The following PDE4D variants were observed in gnomAD, a reference collection of about 807,000 sequenced individuals.
PDE4D encodes the protein phosphodiesterase 4D.
PDE4D carries 24 observed loss-of-function variants against 87.4 expected under a neutral mutation model. That is an observed-to-expected ratio of 0.27 (90% CI 0.20 to 0.39). PDE4D has a LOEUF of 0.39. Among genes scored for constraint, PDE4D ranks in the 10% least tolerant of loss-of-function variants. PDE4D has a pLI of 1.00. For missense variants in PDE4D, 714 were observed against 1,041.0 expected (o/e 0.69, Z 4.32); for synonymous variants, 384 against 383.2 (o/e 1.00, Z -0.02).
At chr5:59,288,345 A>T (rs1767384383) in intron 1 of PDE4D, among the ~76,000 whole-genome samples, 1 of 151,984 alleles carries the variant, frequency 6.6e-6, no homozygotes, top group African/African-American at 2.4e-5. Context: ...AGCACAAAAC[A>T]ATCAAGCAGA....
intron 3 of PDE4D, among the ~76,000 whole-genome samples, chr5:59,938,540 A>G (rs1480888433): frequency 1.3e-5 from 2 of 152,234 alleles, no homozygotes; most frequent in Non-Finnish European, 2.9e-5. Flanking sequence ...TCTACATTAT[A>G]GGCCAAAAAG....
At chr5:59,929,981 A>T (rs1396173299) in intron 3 of PDE4D, among the ~76,000 whole-genome samples, 1 of 152,150 alleles carries the variant, frequency 6.6e-6, no homozygotes, top group Non-Finnish European at 1.5e-5. Flanking sequence ...TGACCAAAGT[A>T]TAGTGAGCCC....
Position 59,674,922 on chromosome 5 carries a change from G to C in PDE4D, c.455+218246C>G, listed in dbSNP as rs191337197. Among the ~76,000 whole-genome samples, 534 of 152,294 alleles carry C rather than the reference G, an allele frequency of 3.5e-3. 3 individuals carry two copies. The highest frequency in any genetic ancestry group is 0.011 in the South Asian group (53 of 4,824). On this transcript the variant is annotated intron_variant, in intron 1 of 14. Coordinates refer to ENST00000340635, the MANE Select transcript of PDE4D (RefSeq NM_001104631.2). ...CTAACTTATCTTGAAATGTTGCAGA[G>C]GAAACTTCCTTAATCACATTCTTAC...
chr5:59,561,747 T>C (rs1820029063), intron 1 of PDE4D, among the ~76,000 whole-genome samples: 1 of 151,876 alleles, frequency 6.6e-6, no homozygotes, highest in Non-Finnish European at 1.5e-5. Flanking sequence ...CTGACCAACA[T>C]GGCAAAAACC....
chr5:60,442,068 G>C (rs1038556674), intron 1 of PDE4D, among the ~76,000 whole-genome samples: 2 of 152,130 alleles, frequency 1.3e-5, no homozygotes, highest in African/African-American at 4.8e-5. Flanking sequence ...TACACCATTT[G>C]ACCCAGCATT....
At chr5:60,004,924 C>T (rs1764330891) in intron 2 of PDE4D, among the ~76,000 whole-genome samples, 1 of 152,026 alleles carries the variant, frequency 6.6e-6, no homozygotes. Context: ...AATAGAGATA[C>T]CATATGATCC....
chr5:59,012,428 C>A (rs1191704425), intron 6 of PDE4D, among the ~76,000 whole-genome samples: 1 of 152,108 alleles, frequency 6.6e-6, no homozygotes, highest in South Asian at 2.1e-4. Context: ...CAGAGAGACA[C>A]ATAGGCTCAA....
At chr5:59,203,469 A>C (rs1231017814) in intron 2 of PDE4D, among the ~76,000 whole-genome samples, 2 of 152,200 alleles carry the variant, frequency 1.3e-5, no homozygotes, top group East Asian at 3.8e-4. Context: ...CATATGATCC[A>C]GCAATTCTAC....
At chr5:59,408,467 G>A (rs1016046457) in intron 1 of PDE4D, among the ~76,000 whole-genome samples, 3 of 152,210 alleles carry the variant, frequency 2.0e-5, no homozygotes, top group Admixed American at 2.0e-4. Flanking sequence ...CTCTACTAAG[G>A]TAGTGCAGAA....
intron 1 of PDE4D, among the ~76,000 whole-genome samples, chr5:59,244,850 T>C (rs1758537814): frequency 6.7e-6 from 1 of 150,006 alleles, no homozygotes; most frequent in African/African-American, 2.5e-5. Flanking sequence ...GCTTTAAAGG[T>C]TTATTCAGGA....
At chr5:59,606,469 C>G (rs1828217951) in intron 1 of PDE4D, among the ~76,000 whole-genome samples, 1 of 151,872 alleles carries the variant, frequency 6.6e-6, no homozygotes. Flanking sequence ...ACTAATATTC[C>G]CCAGTTTATA....
intron 5 of PDE4D, among the ~76,000 whole-genome samples, chr5:59,054,342 T>C (rs554641035): frequency 1.3e-5 from 2 of 152,292 alleles, no homozygotes; most frequent in Admixed American, 6.5e-5. Flanking sequence ...AAAATTTATA[T>C]TTTATACTAT....
At chr5:59,707,543 C>T (rs1357723979) in intron 1 of PDE4D, among the ~76,000 whole-genome samples, 3 of 151,974 alleles carry the variant, frequency 2.0e-5, no homozygotes, top group Admixed American at 1.3e-4. Context: ...GGTACATGCA[C>T]GGGATGCACA....
At chr5:60,413,357 C>T (rs1222460612) in intron 1 of PDE4D, among the ~76,000 whole-genome samples, 2 of 152,184 alleles carry the variant, frequency 1.3e-5, no homozygotes. Context: ...GAAGGAGAAG[C>T]ATCCCTTGCA....
chr5:60,234,893 A>C (rs2149637679), intron 1 of PDE4D, among the ~76,000 whole-genome samples: 1 of 151,908 alleles, frequency 6.6e-6, no homozygotes, highest in African/African-American at 2.4e-5. Flanking sequence ...ATAGAAAAAA[A>C]TTCTGCTACT....
intron 1 of PDE4D, among the ~76,000 whole-genome samples, chr5:60,377,441 T>C (rs944237093): frequency 6.6e-6 from 1 of 152,232 alleles, no homozygotes; most frequent in Non-Finnish European, 1.5e-5. Flanking sequence ...TTTAAAGGAA[T>C]AGAATCTATT....
At chr5:59,013,938 C>T (rs1338520862) in intron 6 of PDE4D, among the ~76,000 whole-genome samples, 3 of 152,168 alleles carry the variant, frequency 2.0e-5, no homozygotes, top group Non-Finnish European at 4.4e-5. Flanking sequence ...CATCAAAAAG[C>T]TTGTCCACCC....
At chr5:60,399,224 T>A (rs1377486913) in intron 1 of PDE4D, among the ~76,000 whole-genome samples, 1 of 152,226 alleles carries the variant, frequency 6.6e-6, no homozygotes, top group African/African-American at 2.4e-5. Context: ...GTATTGCTTA[T>A]AGAAACTTCA....
At chr5:59,086,698 C>G (rs1767757135) in intron 5 of PDE4D, among the ~76,000 whole-genome samples, 3 of 152,130 alleles carry the variant, frequency 2.0e-5, no homozygotes, top group Non-Finnish European at 4.4e-5. Flanking sequence ...GCAGTTTTTA[C>G]TATCTTATGG....
Sources: allele counts gnomAD v4.1 joint callset (sites outside exome capture counted in the v4.1 genomes callset), GRCh38; gene constraint gnomAD v4.1.1; transcripts MANE v1.5; gene names NCBI Gene and HGNC (gene_info 2026-07-23, HGNC 2026-07-21).